COL24A1: variants seen among roughly 807,000 people sequenced by gnomAD.
COL24A1 encodes the protein collagen alpha-1(XXIV) chain.
COL24A1 carries 224 observed loss-of-function variants against 253.9 expected under a neutral mutation model. That is an observed-to-expected ratio of 0.88 (90% CI 0.79 to 0.99). The LOEUF is 0.99. Among genes scored for constraint, COL24A1 ranks in the 50% least tolerant of loss-of-function variants. The pLI is 0.00. For synonymous variants in COL24A1, 685 were observed against 673.7 expected, an observed-to-expected ratio of 1.02 and a Z score of -0.26; for missense variants, 2,131 against 2,068.5, an observed-to-expected ratio of 1.03 and a Z score of -0.59.
Position 85,861,871 on chromosome 1 carries a change from C to T in COL24A1, c.3300+6648G>A, listed in dbSNP as rs144912278. ...AAACAACTTTTCACTATTTATTATG[C>T]TGCAGCTGTAATACCCTTTTAGTTT... On this transcript the variant is annotated intron_variant, in intron 37 of 59. Coordinates refer to ENST00000370571, the MANE Select transcript of COL24A1 (RefSeq NM_152890.7). 4.7e-3 allele frequency among the ~76,000 whole-genome samples: 714 copies of T among 152,314 alleles called. 2 individuals are homozygous for T. Among genetic ancestry groups the T allele is most frequent in the Non-Finnish European group, 7.0e-3 (478 of 68,026 alleles).
chr1:85,868,158 C>T (rs144281365), intron 37 of COL24A1, among the ~76,000 whole-genome samples: 43 of 152,272 alleles, frequency 2.8e-4, no homozygotes, highest in African/African-American at 8.7e-4. Flanking sequence ...TCATATTATG[C>T]TTGCAAAGAA....
chr1:86,109,405 G>A (rs75090924), intron 5 of COL24A1, among the ~76,000 whole-genome samples: 3,939 of 152,172 alleles, frequency 0.026, 56 homozygotes, highest in Middle Eastern at 0.048. Flanking sequence ...TTATGGCATC[G>A]TAGCACCATG....
At chr1:86,111,516 C>T (rs1454105411) in intron 5 of COL24A1, among the ~76,000 whole-genome samples, 1 of 151,988 alleles carries the variant, frequency 6.6e-6, no homozygotes, top group South Asian at 2.1e-4. Context: ...CAATCAGCAC[C>T]CTGTCAAAAC....
At chr1:86,038,432 C>A (rs1432293951) in intron 12 of COL24A1, among the ~76,000 whole-genome samples, 1 of 152,148 alleles carries the variant, frequency 6.6e-6, no homozygotes, top group East Asian at 1.9e-4. Flanking sequence ...GCAATGGTAC[C>A]ACTTAAAAAC....
At chr1:86,119,430 AG>A (rs1706486339) in intron 3 of COL24A1, among the ~76,000 whole-genome samples, 1 of 152,150 alleles carries the variant, frequency 6.6e-6, no homozygotes, top group Non-Finnish European at 1.5e-5. Context: ...CAAAGAGACA[AG>A]AGTAGAAAAG....
chr1:85,977,844 A>G (rs2100828835), intron 20 of COL24A1, among the ~76,000 whole-genome samples: 1 of 152,346 alleles, frequency 6.6e-6, no homozygotes, highest in Admixed American at 6.5e-5. Context: ...GCCTTGCTAG[A>G]GATAGAGACA....
At position 86,010,606 on chromosome 1, in the gene COL24A1, T is replaced by C. The variant is rs150841367; in HGVS notation, c.2310+6545A>G. 6.9e-3 allele frequency among the ~76,000 whole-genome samples: 1,044 copies of C among 152,268 alleles called. 3 individuals carry two copies. The highest frequency in any genetic ancestry group is 0.012 in the Non-Finnish European group (822 of 67,984). On this transcript the variant is annotated intron_variant, in intron 19 of 59. Transcript: ENST00000370571. ...CAATTCTAGCAATTCACCATGAAGATACACCTCCAACCGTATAGAAATACA... is the reference window on the plus strand; with the variant it reads ...CAATTCTAGCAATTCACCATGAAGACACACCTCCAACCGTATAGAAATACA...
At chr1:85,857,056 G>C (rs181751779) in intron 37 of COL24A1, among the ~76,000 whole-genome samples, 1 of 152,242 alleles carries the variant, frequency 6.6e-6, no homozygotes, top group East Asian at 1.9e-4. Flanking sequence ...AAGGAGGAGA[G>C]AGAGACATAT....
chr1:85,906,264 C>CTTTTT lies in COL24A1; in HGVS notation c.2778+925_2778+929dup, dbSNP rs10526604. ...TTTGCCAACTGGAAAACTGCAAGGT[C>CTTTTT]TTTTTTTTTTTTTACCATGGTTAGG... On this transcript the variant is annotated intron_variant, in intron 28 of 59. Coordinates refer to ENST00000370571, the MANE Select transcript of COL24A1 (RefSeq NM_152890.7). 2.7e-4 allele frequency among the ~76,000 whole-genome samples: 21 copies of CTTTTT among 77,844 alleles called. 5 individuals are homozygous for CTTTTT. Among genetic ancestry groups the CTTTTT allele is most frequent in the Admixed American group, 5.6e-4 (3 of 5,376 alleles). 51.1% of individuals were successfully genotyped at this position (77,844 alleles called of 152,430 possible).
intron 26 of COL24A1, among the ~76,000 whole-genome samples, chr1:85,909,067 G>A (rs1685123404): frequency 6.6e-6 from 1 of 151,652 alleles, no homozygotes; most frequent in African/African-American, 2.4e-5. Flanking sequence ...ATTAAGCAAT[G>A]TAAATGTGTA....
chr1:85,885,301 A>G (rs1682346634), intron 32 of COL24A1, among the ~76,000 whole-genome samples: 1 of 151,498 alleles, frequency 6.6e-6, no homozygotes, highest in African/African-American at 2.4e-5. Context: ...CCCAGGTTCA[A>G]GTAATTCTCC....
intron 47 of COL24A1, among the ~76,000 whole-genome samples, chr1:85,808,715 A>G (rs1672230975): frequency 6.6e-6 from 1 of 152,248 alleles, no homozygotes; most frequent in South Asian, 2.1e-4. Flanking sequence ...CAGGGGCTTG[A>G]TAAATGGGTG....
rs1697690445 is a variant in COL24A1 at position 86,022,977 on chromosome 1, G to A, written c.2080C>T (p.Pro694Ser). The A allele has an allele frequency of 1.2e-6, 2 of 1,613,086 alleles. No homozygotes were observed. The highest frequency in any genetic ancestry group is 1.7e-6 in the Non-Finnish European group (2 of 1,179,456). Residue 694 changes from proline (P) to serine (S), a missense_variant, in exon 15 of 60, where the codon CCT (proline) becomes TCT (serine). Pro to Ser is a moderately conservative substitution (Grantham distance 74). Transcript: ENST00000370571. ...ACCATTGGGCCAGGAATTCCAGCAGGTCCAATTGGTCCCACAGGGCCAACA... is the reference window on the plus strand; with the variant it reads ...ACCATTGGGCCAGGAATTCCAGCAGATCCAATTGGTCCCACAGGGCCAACA... ...GSVGPVGPIG[P>S]AGIPGPMGLS...
chr1:85,888,551 CT>C (rs763604048), intron 32 of COL24A1, among the ~76,000 whole-genome samples: 1 of 151,814 alleles, frequency 6.6e-6, no homozygotes, highest in South Asian at 2.1e-4. Context: ...GTAAATAATG[CT>C]AAAGAGAGTT....
chr1:86,112,675 T>A, intron 4 of COL24A1, 55 bp from the exon 5 acceptor site: 1 of 1,484,290 alleles, frequency 6.7e-7, no homozygotes, highest in Non-Finnish European at 9.4e-7. Context: ...TGGAACAAAG[T>A]ACAATTGCTT....
At position 86,156,620 on chromosome 1, in the gene COL24A1, A is replaced by T. The variant is rs1488116569; in HGVS notation, c.-224T>A. On this transcript the variant is annotated 5_prime_UTR_variant, in exon 1 of 60. Transcript: ENST00000370571. ...AGGCTTCCTAGCTCTCTGGCTCGGT[A>T]ACGAACGAGCCCAGGGTTGCGCTCC... 3 of 394,488 alleles carry T rather than the reference A, an allele frequency of 7.6e-6. No homozygotes were observed. Among genetic ancestry groups the T allele is most frequent in the Non-Finnish European group, 1.3e-5 (3 of 222,814 alleles). 24.4% of individuals were successfully genotyped at this position (394,488 alleles called of 1,614,324 possible).
In COL24A1 at chr1:86,103,508, C is replaced by A. The variant is rs1397719626; in HGVS notation, c.1599+9059G>T. Among the ~76,000 whole-genome samples, 8 of 152,150 alleles carry A rather than the reference C, an allele frequency of 5.3e-5. No homozygotes were observed. The East Asian group carries it at 1.5e-3, about 29-fold the overall frequency. ...GTACATAAGTGTGTTTTTGTAGTGG[C>A]TGGTAATGGCCCTTCCTTTCCATAT... is the stretch of plus-strand genomic sequence containing the variant. On this transcript the variant is annotated intron_variant, in intron 5 of 59. Transcript: ENST00000370571.
intron 13 of COL24A1, among the ~76,000 whole-genome samples, chr1:86,032,851 T>G (rs1221843129): frequency 6.6e-6 from 1 of 152,140 alleles, no homozygotes; most frequent in Non-Finnish European, 1.5e-5. Context: ...CTAGGAGTCT[T>G]AACAGACTTC....
chr1:86,141,702 C>CTTTTTTTTTTTTTTTTT (rs1230061696), intron 2 of COL24A1, among the ~76,000 whole-genome samples: 1 of 142,240 alleles, frequency 7.0e-6, no homozygotes, highest in Non-Finnish European at 1.6e-5. Context: ...TAGTGTCTTA[C>CTTTTTTTTTTTTTTTTT]TTTTTTTTTT....
Sources: allele counts gnomAD v4.1 joint callset (sites outside exome capture counted in the v4.1 genomes callset), GRCh38; gene constraint gnomAD v4.1.1; transcripts MANE v1.5; gene names NCBI Gene and HGNC (gene_info 2026-07-23, HGNC 2026-07-21).